The following GLIS3 variants were observed in gnomAD, a reference collection of about 807,000 sequenced individuals.
GLIS3 encodes GLIS family zinc finger 3, also known as zinc finger protein GLIS3.
Under a neutral mutation model 78.6 loss-of-function variants are expected in GLIS3, and 53 were observed. That is an observed-to-expected ratio of 0.67 (90% confidence interval 0.54 to 0.85). The LOEUF (loss-of-function observed/expected upper bound fraction) is 0.85, where lower values mean the gene tolerates loss of function less well. GLIS3 is among the 40% of genes least tolerant of loss of function. GLIS3 has a pLI of 0.00. For missense variants in GLIS3, 1,703 were observed against 1,231.1 expected (o/e 1.38, Z -5.74); for synonymous variants, 684 against 509.9 (o/e 1.34, Z -4.60).
chr9:4,360,170 C>G, the GLIS3 span, among the ~76,000 whole-genome samples: 1 of 152,198 alleles, frequency 6.6e-6, no homozygotes, highest in Non-Finnish European at 1.5e-5. Context: ...AGGCAGCAGG[C>G]TGAGGAGGAT....
At chr9:4,261,299 A>T (rs1464270672) in intron 2 of GLIS3, among the ~76,000 whole-genome samples, 1 of 152,164 alleles carries the variant, frequency 6.6e-6, no homozygotes, top group Non-Finnish European at 1.5e-5. Flanking sequence ...GATACATGAG[A>T]GTGAGACGTG....
chr9:4,093,366 C>T (rs1035416909), intron 4 of GLIS3, among the ~76,000 whole-genome samples: 19 of 152,182 alleles, frequency 1.2e-4, no homozygotes, highest in African/African-American at 4.6e-4. Context: ...AAGGCCCCCT[C>T]TTGCAAAGCG....
At chr9:4,158,643 T>A (rs1275682324) in intron 2 of GLIS3, among the ~76,000 whole-genome samples, 1 of 152,224 alleles carries the variant, frequency 6.6e-6, no homozygotes, top group Non-Finnish European at 1.5e-5. Flanking sequence ...TATGATAGCA[T>A]TCATTCATTT....
chr9:4,260,267 C>T (rs982054820), intron 2 of GLIS3, among the ~76,000 whole-genome samples: 2 of 152,004 alleles, frequency 1.3e-5, no homozygotes. Context: ...CCTGTCTCTA[C>T]TGAAAATACA....
the GLIS3 span, among the ~76,000 whole-genome samples, chr9:4,423,756 T>C: frequency 7.5e-4 from 115 of 152,372 alleles, no homozygotes; most frequent in Middle Eastern, 3.4e-3. Flanking sequence ...ACTGCTTCTA[T>C]CAGGCTATCT....
At chr9:4,249,687 G>C (rs1320270517) in intron 2 of GLIS3, among the ~76,000 whole-genome samples, 1 of 152,176 alleles carries the variant, frequency 6.6e-6, no homozygotes, top group Non-Finnish European at 1.5e-5. Flanking sequence ...GGACATCCTT[G>C]TCTTGTGCCA....
chr9:4,444,863 TAA>T, the GLIS3 span, among the ~76,000 whole-genome samples: 1 of 152,166 alleles, frequency 6.6e-6, no homozygotes, highest in African/African-American at 2.4e-5. Context: ...TGAAAAGAGG[TAA>T]GTGAAAAACC....
chr9:4,210,916 G>C (rs1461188010), intron 2 of GLIS3, among the ~76,000 whole-genome samples: 1 of 152,118 alleles, frequency 6.6e-6, no homozygotes, highest in African/African-American at 2.4e-5. Flanking sequence ...CCTTATCTAG[G>C]AAGCTTCCCT....
chr9:4,193,861 CAT>C (rs1298429921), intron 2 of GLIS3, among the ~76,000 whole-genome samples: 1 of 152,180 alleles, frequency 6.6e-6, no homozygotes, highest in Non-Finnish European at 1.5e-5. Flanking sequence ...AGTCACTTTT[CAT>C]GTGCCAAATA....
At chr9:4,115,445 A>G (rs1831564445) in intron 4 of GLIS3, among the ~76,000 whole-genome samples, 1 of 152,182 alleles carries the variant, frequency 6.6e-6, no homozygotes, top group Non-Finnish European at 1.5e-5. Flanking sequence ...TTTTAATTGT[A>G]ACAGTTGTAT....
At chr9:3,927,392 C>T (rs1421489878) in intron 6 of GLIS3, among the ~76,000 whole-genome samples, 1 of 152,198 alleles carries the variant, frequency 6.6e-6, no homozygotes, top group African/African-American at 2.4e-5. Context: ...ATATCCAAGG[C>T]TCTGAGAACT....
At chr9:4,437,901 A>G in the GLIS3 span, among the ~76,000 whole-genome samples, 1 of 152,200 alleles carries the variant, frequency 6.6e-6, no homozygotes, top group Non-Finnish European at 1.5e-5. Context: ...TACAGCATAT[A>G]ATACATATAG....
At chr9:4,420,141 T>C in the GLIS3 span, among the ~76,000 whole-genome samples, 1 of 151,952 alleles carries the variant, frequency 6.6e-6, no homozygotes, top group Admixed American at 6.6e-5. Flanking sequence ...ACAAAATCAC[T>C]CCCAGGTAAT....
intron 2 of GLIS3, among the ~76,000 whole-genome samples, chr9:4,209,320 C>T (rs1820169746): frequency 6.6e-6 from 1 of 152,162 alleles, no homozygotes; most frequent in Non-Finnish European, 1.5e-5. Flanking sequence ...CTTTCTGGGA[C>T]ATTTTGATGC....
chr9:4,143,506 G>T (rs1390034135), intron 2 of GLIS3, among the ~76,000 whole-genome samples: 1 of 151,918 alleles, frequency 6.6e-6, no homozygotes, highest in Non-Finnish European at 1.5e-5. Context: ...GGTGGGGGTT[G>T]CAGTGAGCCG....
the GLIS3 span, among the ~76,000 whole-genome samples, chr9:4,421,497 C>A: frequency 6.6e-6 from 1 of 152,220 alleles, no homozygotes; most frequent in African/African-American, 2.4e-5. Flanking sequence ...GTTTGTCTCT[C>A]TCAGGTTTAG....
chr9:3,878,282 T>G (rs1239741936), intron 8 of GLIS3, among the ~76,000 whole-genome samples: 1 of 152,060 alleles, frequency 6.6e-6, no homozygotes, highest in Non-Finnish European at 1.5e-5. Context: ...TTATTATACT[T>G]CATTTGAATG....
the GLIS3 span, among the ~76,000 whole-genome samples, chr9:4,435,992 A>G: frequency 6.6e-6 from 1 of 152,070 alleles, no homozygotes; most frequent in African/African-American, 2.4e-5. Context: ...ACAAATAAAA[A>G]TCTTCCCCTA....
Position 4,286,313 on chromosome 9 carries a change from G to A in GLIS3, c.113C>T (p.Pro38Leu). 1 of 1,614,208 alleles carries A rather than the reference G, an allele frequency of 6.2e-7. No homozygotes were observed. The highest frequency in any genetic ancestry group is 8.5e-7 in the Non-Finnish European group (1 of 1,180,008). ...TGTGCTGCCACAGGGCGAGGGGCCA[G>A]GAGTCCCGGAGTGGGCTCGGATGGC... The part of the protein sequence containing the change: ...IPAIRAHSGT[P>L]GPSPCGSTSS... Residue 38 changes from proline to leucine, a missense_variant, in exon 2 of 11, where the codon CCT (proline) becomes CTT (leucine). Physicochemically the swap from Pro to Leu is moderately conservative, Grantham distance 98. Transcript: ENST00000381971.
Sources: gnomAD v4.1 joint callset for allele counts (sites outside exome capture counted in the v4.1 genomes callset) on GRCh38, gnomAD v4.1.1 for gene constraint, MANE v1.5 for transcripts, NCBI Gene and HGNC (gene_info 2026-07-23, HGNC 2026-07-21) for gene names.